Variants in STAU2 observed in about 807,000 individuals in gnomAD.
The protein encoded by STAU2 is staufen double-stranded RNA binding protein 2.
A neutral mutation model predicts 65.9 loss-of-function variants in STAU2; 20 were observed. That is an observed-to-expected ratio of 0.30 (90% CI 0.21 to 0.44). The LOEUF is 0.44. Among genes scored for constraint, STAU2 ranks in the 20% least tolerant of loss-of-function variants. The probability of loss-of-function intolerance (pLI) is 1.00; values close to 1 mark genes in which losing one functional copy is unlikely to be tolerated. For missense variants in STAU2, 558 were observed against 683.9 expected (o/e 0.82, Z 2.05); for synonymous variants, 232 against 233.9 (o/e 0.99, Z 0.07).
At chr8:73,491,266 C>T (rs965052720) in intron 13 of STAU2, among the ~76,000 whole-genome samples, 5 of 152,120 alleles carry the variant, frequency 3.3e-5, no homozygotes, top group Middle Eastern at 3.4e-3. Context: ...AGACATCCTG[C>T]TGAATTAACG....
In STAU2 at chr8:73,421,416, C is replaced by T; in HGVS notation, c.1669G>A (p.Gly557Ser). 6.5e-7 allele frequency: 1 copy of T among 1,537,238 alleles called. No homozygotes were observed. Among genetic ancestry groups the T allele is most frequent in the East Asian group, 2.4e-5 (1 of 40,922 alleles). The change falls in exon 15 of 15, where the codon GGC (glycine) becomes AGC (serine). Residue 557 changes from glycine to serine, a missense_variant. By Grantham distance (56) the Gly-to-Ser change is moderately conservative. Coordinates refer to ENST00000524300, the MANE Select transcript of STAU2 (RefSeq NM_001164380.2). ...TTCTTGCAGTCCTGAGCGATGGAGC[C>T]CGGGGGTGCCTGGTTATTGTCCGCT... ...EKADNNQAPPGSIAQDCKKSN... is the reference protein window; with the variant it reads ...EKADNNQAPPSSIAQDCKKSN...
chr8:73,679,205 G>A (rs1162882546), intron 5 of STAU2, among the ~76,000 whole-genome samples: 2 of 152,040 alleles, frequency 1.3e-5, no homozygotes, highest in African/African-American at 4.8e-5. Flanking sequence ...CAAAATACAG[G>A]TTTGCCTTTC....
intron 13 of STAU2, among the ~76,000 whole-genome samples, chr8:73,510,898 A>G (rs1490013398): frequency 1.3e-5 from 2 of 152,226 alleles, no homozygotes; most frequent in Non-Finnish European, 2.9e-5. Context: ...TACACAATTG[A>G]TATTTAGAAG....
At chr8:73,697,681 C>T (rs1005462038) in intron 4 of STAU2, among the ~76,000 whole-genome samples, 2 of 152,158 alleles carry the variant, frequency 1.3e-5, no homozygotes, top group Admixed American at 1.3e-4. Flanking sequence ...AAAAAGCTGG[C>T]AGCGGGGACA....
intron 12 of STAU2, among the ~76,000 whole-genome samples, chr8:73,554,591 A>T (rs1563418574): frequency 6.6e-6 from 1 of 152,182 alleles, no homozygotes; most frequent in Non-Finnish European, 1.5e-5. Flanking sequence ...TTTCCCTGCC[A>T]ATTAAGATCT....
chr8:73,626,613 T>C (rs1813662201), intron 6 of STAU2, among the ~76,000 whole-genome samples: 1 of 152,170 alleles, frequency 6.6e-6, no homozygotes. Flanking sequence ...AATATAGGAT[T>C]GCAGGCAGTG....
At chr8:73,559,192 G>A (rs894347057) in intron 12 of STAU2, among the ~76,000 whole-genome samples, 1 of 152,128 alleles carries the variant, frequency 6.6e-6, no homozygotes, top group South Asian at 2.1e-4. Context: ...GCTGAGTGAC[G>A]GGTACATGCA....
chr8:73,610,052 GC>G (rs1216783551), intron 9 of STAU2, among the ~76,000 whole-genome samples: 2 of 152,224 alleles, frequency 1.3e-5, no homozygotes, highest in East Asian at 3.9e-4. Flanking sequence ...GCCAAGGTAG[GC>G]AGATCACTTG....
chr8:73,484,141 T>C (rs539450682), intron 13 of STAU2, among the ~76,000 whole-genome samples: 17 of 152,244 alleles, frequency 1.1e-4, no homozygotes, highest in Non-Finnish European at 2.1e-4. Flanking sequence ...AGTCCCTGTG[T>C]TCCTATCAGT....
chr8:73,436,339 T>A (rs1817677462), intron 13 of STAU2, among the ~76,000 whole-genome samples: 1 of 151,760 alleles, frequency 6.6e-6, no homozygotes, highest in Non-Finnish European at 1.5e-5. Flanking sequence ...TTGGTGGCCA[T>A]CCTAGTGGTG....
intron 4 of STAU2, among the ~76,000 whole-genome samples, chr8:73,695,411 T>C (rs1819632143): frequency 7.6e-6 from 1 of 131,202 alleles, no homozygotes; most frequent in South Asian, 2.5e-4. Context: ...CCTGGCAGGA[T>C]TCATTACCTG....
intron 3 of STAU2, among the ~76,000 whole-genome samples, chr8:73,735,078 C>T (rs1184180023): frequency 6.6e-6 from 1 of 152,090 alleles, no homozygotes; most frequent in Admixed American, 6.5e-5. Flanking sequence ...AGACTACAGG[C>T]ATGTGTCACC....
Position 73,582,798 on chromosome 8 carries a change from C to T in STAU2, c.1194G>A (p.Lys398=), listed in dbSNP as rs1321119930. Residue 398 remains lysine (K), a synonymous_variant, in exon 12 of 15, where the codon AAG becomes AAA. Coordinates refer to ENST00000524300, the MANE Select transcript of STAU2 (RefSeq NM_001164380.2). ...TGENKGWSGP[K]PGFPEPTNNT... is the part of the protein sequence containing the mutation. ...TATTTGTTGGTTCAGGAAACCCAGG[C>T]TTTGGACCACTCCATCCTTTGTTTT... The T allele has an allele frequency of 3.0e-5, 49 of 1,612,080 alleles. No individual in the cohort carries two copies. The highest frequency in any genetic ancestry group is 4.1e-5 in the Non-Finnish European group (48 of 1,178,660).
At chr8:73,595,019 T>C (rs1209036533) in intron 11 of STAU2, 147 bp downstream of exon 11, 2 of 547,728 alleles carry the variant, frequency 3.7e-6, no homozygotes, top group African/African-American at 1.9e-5. Context: ...TTACTCCATA[T>C]GTTATTTTGT....
At chr8:73,497,572 C>A (rs564474453) in intron 13 of STAU2, among the ~76,000 whole-genome samples, 79 of 151,656 alleles carry the variant, frequency 5.2e-4, no homozygotes, top group African/African-American at 1.8e-3. Context: ...ATGAAGTATC[C>A]CTCGGTAATA....
chr8:73,600,273 A>G (rs1043005056), intron 10 of STAU2, among the ~76,000 whole-genome samples: 2 of 152,268 alleles, frequency 1.3e-5, no homozygotes, highest in African/African-American at 4.8e-5. Context: ...AAACATATTC[A>G]TTACAGAATT....
chr8:73,550,823 AG>A (rs1807280169), intron 13 of STAU2: 1 of 987,530 alleles, frequency 1.0e-6, no homozygotes, highest in Admixed American at 6.1e-5. Context: ...ACCTGGCAAT[AG>A]TTTGAAAGAA....
chr8:73,595,609 T>A (rs933086073), intron 10 of STAU2, among the ~76,000 whole-genome samples: 3 of 152,108 alleles, frequency 2.0e-5, no homozygotes, highest in Non-Finnish European at 4.4e-5. Flanking sequence ...AAAAATAAAA[T>A]TTACATTTTA....
intron 11 of STAU2, among the ~76,000 whole-genome samples, chr8:73,593,161 A>G (rs1357983746): frequency 6.6e-6 from 1 of 151,918 alleles, no homozygotes; most frequent in Non-Finnish European, 1.5e-5. Flanking sequence ...GACCCTCAAT[A>G]TCTCTCACCT....
Sources: allele counts gnomAD v4.1 joint callset (sites outside exome capture counted in the v4.1 genomes callset), GRCh38; gene constraint gnomAD v4.1.1; transcripts MANE v1.5; gene names NCBI Gene and HGNC (gene_info 2026-07-23, HGNC 2026-07-21).